The following HSF5 variants were observed in gnomAD, a reference collection of about 807,000 sequenced individuals.
The protein encoded by HSF5 is heat shock transcription factor 5, also known as heat shock factor protein 5.
In HSF5, 5 loss-of-function variants were observed where a neutral mutation model predicts 50.8. The ratio of observed to expected loss-of-function variants is 0.10; its 90% CI spans 0.05 to 0.21. The LOEUF is 0.21. Ranked by LOEUF, HSF5 falls within the 10% of genes least tolerant of loss-of-function variation. The probability of loss-of-function intolerance (pLI) is 1.00; values close to 1 mark genes in which losing one functional copy is unlikely to be tolerated. For missense variants in HSF5, 564 were observed against 762.6 expected (o/e 0.74, Z 3.07); for synonymous variants, 307 against 307.4 (o/e 1.00, Z 0.02).
chr17:58,457,551 ATGCGCCAC>A (rs918166551), intron 5 of HSF5, among the ~76,000 whole-genome samples: 18 of 151,276 alleles, frequency 1.2e-4, no homozygotes, highest in African/African-American at 4.4e-4. Context: ...GTGAGCCAAG[ATGCGCCAC>A]TGCATTCTAG....
In HSF5 at chr17:58,479,842, C is replaced by T. The variant is rs758909724; in HGVS notation, c.925+51G>A. 2.7e-6 allele frequency: 4 copies of T among 1,474,280 alleles called. No homozygotes were observed. The African/African-American group carries it at 5.6e-5, about 21-fold the overall frequency. The allele number at this position is 1,474,280 out of a possible 1,614,324, so 91.3% of individuals were successfully genotyped here. On this transcript the variant is annotated intron_variant, in intron 2 of 5. Coordinates refer to ENST00000323777, the MANE Select transcript of HSF5 (RefSeq NM_001080439.3). ...AATGCATTTAAAATATATATATATG[C>T]TCATTATAAACAACCTTAAATAGAA...
intron 5 of HSF5, among the ~76,000 whole-genome samples, chr17:58,430,803 T>C (rs1974355201): frequency 6.6e-6 from 1 of 152,204 alleles, no homozygotes; most frequent in South Asian, 2.1e-4. Flanking sequence ...CCCTCTTATA[T>C]GTCTATATAC....
intron 5 of HSF5, among the ~76,000 whole-genome samples, chr17:58,456,602 A>G (rs550164232): frequency 1.3e-5 from 2 of 152,322 alleles, no homozygotes; most frequent in Admixed American, 6.5e-5. Context: ...AGAGTGATGG[A>G]TATGGTAATT....
chr17:58,422,444 A>G lies in HSF5; in HGVS notation c.1721-14T>C. ...GCAGATGAAGATCTAGAAAGAAAGG[A>G]TAGTTTACTCCCTCTTAGCCTCTCT... On this transcript the variant is annotated splice_polypyrimidine_tract_variant and intron_variant, in intron 5 of 5. Coordinates refer to ENST00000323777, the MANE Select transcript of HSF5 (RefSeq NM_001080439.3). 1 of 1,610,960 alleles carries G rather than the reference A, an allele frequency of 6.2e-7. No homozygotes were observed. The highest frequency in any genetic ancestry group is 8.5e-7 in the Non-Finnish European group (1 of 1,177,380).
At chr17:58,443,213 T>C (rs1346203247) in intron 5 of HSF5, among the ~76,000 whole-genome samples, 1 of 152,150 alleles carries the variant, frequency 6.6e-6, no homozygotes, top group Admixed American at 6.5e-5. Context: ...TTTCACCATA[T>C]TGGCCAGGCT....
Position 58,485,955 on chromosome 17 carries a change from G to A in HSF5, c.550+1770C>T, listed in dbSNP as rs146018403. 5.8e-3 allele frequency among the ~76,000 whole-genome samples: 881 copies of A among 151,750 alleles called. 5 individuals carry two copies. Among genetic ancestry groups the A allele is most frequent in the African/African-American group, 9.3e-3 (385 of 41,314 alleles). ...GGTGGCAGGCACCTGTAAAATCCTA[G>A]CTACTCTGGAGGCTGAGGCAGAAGA... On this transcript the variant is annotated intron_variant, in intron 1 of 5. Coordinates refer to ENST00000323777, the MANE Select transcript of HSF5 (RefSeq NM_001080439.3).
intron 2 of HSF5, among the ~76,000 whole-genome samples, chr17:58,478,839 G>A (rs1598202465): frequency 6.8e-6 from 1 of 148,136 alleles, no homozygotes; most frequent in African/African-American, 2.5e-5. Flanking sequence ...CTCCAGCCTG[G>A]GCAACAAGAG....
At chr17:58,479,352 G>A (rs770477519) in intron 2 of HSF5, among the ~76,000 whole-genome samples, 2 of 152,040 alleles carry the variant, frequency 1.3e-5, no homozygotes, top group East Asian at 3.9e-4. Context: ...GTCCAGGATG[G>A]AATGCTGTGG....
intron 5 of HSF5, among the ~76,000 whole-genome samples, chr17:58,434,562 A>G (rs2143736606): frequency 6.6e-6 from 1 of 151,882 alleles, no homozygotes; most frequent in Admixed American, 6.5e-5. Flanking sequence ...AAAAAAAAAA[A>G]AGATAAAATG....
intron 2 of HSF5, among the ~76,000 whole-genome samples, chr17:58,478,720 G>T (rs1322838951): frequency 2.0e-5 from 3 of 150,880 alleles, no homozygotes; most frequent in African/African-American, 7.3e-5. Flanking sequence ...AAAATTAGCC[G>T]GGTGTGGTGA....
chr17:58,440,134 G>A (rs1241570766), intron 5 of HSF5, among the ~76,000 whole-genome samples: 2 of 152,170 alleles, frequency 1.3e-5, no homozygotes, highest in African/African-American at 4.8e-5. Context: ...AAGAATGACT[G>A]GGCTGAGTGT....
intron 5 of HSF5, among the ~76,000 whole-genome samples, chr17:58,445,159 G>A (rs373909850): frequency 1.1e-4 from 16 of 152,168 alleles, no homozygotes; most frequent in African/African-American, 3.9e-4. Flanking sequence ...CAATGTTGGT[G>A]GGATTATAAA....
At chr17:58,476,777 T>C (rs1406860355) in intron 2 of HSF5, 3 of 1,598,166 alleles carry the variant, frequency 1.9e-6, no homozygotes, top group Non-Finnish European at 2.6e-6. Context: ...GTTATATTTC[T>C]GTTCTACTTT....
chr17:58,445,146 T>C (rs1467138648), intron 5 of HSF5, among the ~76,000 whole-genome samples: 4 of 152,168 alleles, frequency 2.6e-5, no homozygotes, highest in Non-Finnish European at 5.9e-5. Flanking sequence ...TAAAACTATT[T>C]TGCAATGTTG....
intron 5 of HSF5, among the ~76,000 whole-genome samples, chr17:58,440,599 C>CTG (rs1974486804): frequency 6.6e-6 from 1 of 152,168 alleles, no homozygotes; most frequent in Admixed American, 6.6e-5. Flanking sequence ...GGAGTAGCCA[C>CTG]TGTGGTTGAG....
chr17:58,478,594 G>T (rs1229725391), intron 2 of HSF5, among the ~76,000 whole-genome samples: 1 of 151,418 alleles, frequency 6.6e-6, no homozygotes. Context: ...AGGCAGGGTG[G>T]CTCACTCCCG....
At chr17:58,456,832 T>C (rs1406249603) in intron 5 of HSF5, among the ~76,000 whole-genome samples, 4 of 152,256 alleles carry the variant, frequency 2.6e-5, no homozygotes, top group African/African-American at 9.6e-5. Context: ...TATTAGTTTA[T>C]ATGTGACTGG....
At chr17:58,477,505 G>A in intron 2 of HSF5, among the ~76,000 whole-genome samples, 1 of 148,998 alleles carries the variant, frequency 6.7e-6, no homozygotes, top group African/African-American at 2.5e-5. Flanking sequence ...TGTCGCCCAG[G>A]CTGGAGTGCA....
intron 3 of HSF5, among the ~76,000 whole-genome samples, chr17:58,465,516 T>C (rs771606152): frequency 4.6e-5 from 7 of 151,980 alleles, no homozygotes; most frequent in Non-Finnish European, 1.0e-4. Flanking sequence ...TAGGATATCA[T>C]GCTTGATCAT....
Sources: gnomAD v4.1 joint callset for allele counts (sites outside exome capture counted in the v4.1 genomes callset) on GRCh38, gnomAD v4.1.1 for gene constraint, MANE v1.5 for transcripts, NCBI Gene and HGNC (gene_info 2026-07-23, HGNC 2026-07-21) for gene names.